Variants in GLIS3 observed in about 807,000 individuals in gnomAD.
The protein encoded by GLIS3 is zinc finger protein GLIS3.
GLIS3 carries 53 observed loss-of-function variants against 78.6 expected under a neutral mutation model. The observed-to-expected ratio is 0.67, with a 90% CI of 0.54 to 0.85. GLIS3 has a LOEUF of 0.85. Among genes scored for constraint, GLIS3 ranks in the 40% least tolerant of loss-of-function variants. The pLI is 0.00. For synonymous variants in GLIS3, 684 were observed against 509.9 expected, an observed-to-expected ratio of 1.34 and a Z score of -4.60; for missense variants, 1,703 against 1,231.1, an observed-to-expected ratio of 1.38 and a Z score of -5.74.
chr9:4,268,832 A>G (rs1826244746), intron 2 of GLIS3, among the ~76,000 whole-genome samples: 1 of 152,108 alleles, frequency 6.6e-6, no homozygotes, highest in Non-Finnish European at 1.5e-5. Context: ...TCCCAGCTCC[A>G]AGCCTCTAGG....
chr9:3,936,256 C>T (rs662167), intron 5 of GLIS3, among the ~76,000 whole-genome samples: 131 of 151,890 alleles, frequency 8.6e-4, no homozygotes, highest in Non-Finnish European at 1.4e-3. Context: ...CCTAGTGTAA[C>T]GAAAATGGCA....
intron 8 of GLIS3, among the ~76,000 whole-genome samples, chr9:3,860,558 G>A (rs191699784): frequency 1.3e-5 from 2 of 152,206 alleles, no homozygotes; most frequent in Admixed American, 1.3e-4. Flanking sequence ...TAGACCCTGA[G>A]ACACTGAGAA....
intron 4 of GLIS3, among the ~76,000 whole-genome samples, chr9:3,954,261 C>G (rs1442432657): frequency 6.6e-6 from 1 of 152,198 alleles, no homozygotes; most frequent in African/African-American, 2.4e-5. Context: ...TCACTTAACA[C>G]AACTGTAGAG....
chr9:4,007,881 G>T (rs1467549802), intron 4 of GLIS3, among the ~76,000 whole-genome samples: 1 of 148,518 alleles, frequency 6.7e-6, no homozygotes, highest in Non-Finnish European at 1.5e-5. Context: ...CAGGTCGGGC[G>T]GGGGTGGGTG....
At chr9:3,872,824 G>C (rs887286705) in intron 8 of GLIS3, among the ~76,000 whole-genome samples, 19 of 152,082 alleles carry the variant, frequency 1.2e-4, no homozygotes, top group African/African-American at 4.6e-4. Flanking sequence ...TATCAAAAAA[G>C]TAGAAAGATT....
intron 9 of GLIS3, 99 bp from the exon 10 acceptor site, chr9:3,829,591 G>A (rs1817930119): frequency 4.0e-6 from 5 of 1,241,788 alleles, no homozygotes; most frequent in Admixed American, 1.8e-5. Flanking sequence ...GGCTTCCTAA[G>A]ACAAATGCCT....
At chr9:4,199,236 C>A (rs1233719989) in intron 2 of GLIS3, among the ~76,000 whole-genome samples, 1 of 152,048 alleles carries the variant, frequency 6.6e-6, no homozygotes, top group East Asian at 1.9e-4. Context: ...ATGAAATGGC[C>A]TAAAACCCCC....
At chr9:4,129,135 C>G (rs1039626729) in intron 2 of GLIS3, among the ~76,000 whole-genome samples, 4 of 152,356 alleles carry the variant, frequency 2.6e-5, no homozygotes, top group East Asian at 1.9e-4. Flanking sequence ...ATACAGCCAT[C>G]TAAGTGTTTT....
chr9:4,069,662 T>C (rs1170640353), intron 4 of GLIS3, among the ~76,000 whole-genome samples: 4 of 152,112 alleles, frequency 2.6e-5, no homozygotes, highest in Non-Finnish European at 4.4e-5. Context: ...TGCCTTGAAA[T>C]GAAAGTAAAT....
the GLIS3 span, among the ~76,000 whole-genome samples, chr9:4,373,351 C>T: frequency 6.6e-6 from 1 of 152,136 alleles, no homozygotes; most frequent in African/African-American, 2.4e-5. Flanking sequence ...ATTGGGAAAT[C>T]TCAAGATTCA....
intron 4 of GLIS3, among the ~76,000 whole-genome samples, chr9:4,054,104 C>T (rs1163594250): frequency 3.0e-4 from 46 of 152,148 alleles, no homozygotes; most frequent in Admixed American, 2.9e-3. Context: ...CTAACTCCTT[C>T]GAAGATGAAG....
intron 4 of GLIS3, among the ~76,000 whole-genome samples, chr9:4,009,217 C>A (rs1327940519): frequency 1.3e-5 from 2 of 152,200 alleles, no homozygotes; most frequent in African/African-American, 4.8e-5. Context: ...ATTGCTCACA[C>A]GGAGCATGAG....
At chr9:4,247,738 C>T (rs1823931496) in intron 2 of GLIS3, among the ~76,000 whole-genome samples, 1 of 151,778 alleles carries the variant, frequency 6.6e-6, no homozygotes, top group African/African-American at 2.4e-5. Context: ...TGAGAAAATC[C>T]CAAGATTATA....
chr9:4,234,468 T>C (rs142831310), intron 2 of GLIS3, among the ~76,000 whole-genome samples: 132 of 152,326 alleles, frequency 8.7e-4, no homozygotes, highest in Admixed American at 3.9e-3. Flanking sequence ...CAACACTTAT[T>C]GGTTAAGTTT....
intron 4 of GLIS3, among the ~76,000 whole-genome samples, chr9:4,009,890 A>C (rs1821859825): frequency 6.6e-6 from 1 of 152,194 alleles, no homozygotes; most frequent in South Asian, 2.1e-4. Flanking sequence ...CATAGGACAC[A>C]AAGGAGGCTC....
At chr9:4,372,251 T>C in the GLIS3 span, among the ~76,000 whole-genome samples, 1 of 152,164 alleles carries the variant, frequency 6.6e-6, no homozygotes, top group Non-Finnish European at 1.5e-5. Flanking sequence ...ATGGGCTTGG[T>C]TTAATGCTTT....
At position 4,051,364 on chromosome 9, in the gene GLIS3, C is replaced by T. The variant is rs1314792998; in HGVS notation, c.1710+66404G>A. On this transcript the variant is annotated intron_variant, in intron 4 of 10. Transcript: ENST00000381971. ...AAGTGGTTAGGTAGACAGAAGCTAT[C>T]GGGAACATTCTGGACTGCTGGAGAT... Among the ~76,000 whole-genome samples, 3 of 152,264 alleles carry T rather than the reference C, an allele frequency of 2.0e-5. No homozygotes were observed. The East Asian group carries it at 5.8e-4, about 29-fold the overall frequency.
rs1403872503 is a variant in GLIS3 at position 3,932,392 on chromosome 9, G to A, written c.1951C>T (p.His651Tyr). ...CTTGCTTGTTGCTCTTTGGAAGAATGTGCCTTCACATGCTTTCTTAGGGAA... is the reference window on the plus strand; with the variant it reads ...CTTGCTTGTTGCTCTTTGGAAGAATATGCCTTCACATGCTTTCTTAGGGAA... ...PSSLRKHVKA[H>Y]SSKEQQARKK... is the part of the protein sequence containing the mutation. Residue 651 changes from histidine (H) to tyrosine (Y), a missense_variant, in exon 6 of 11, where the codon CAT becomes TAT. Transcript: ENST00000381971. The A allele has an allele frequency of 2.5e-6, 4 of 1,613,542 alleles. No individual in the cohort carries two copies. Among genetic ancestry groups the A allele is most frequent in the Non-Finnish European group, 2.5e-6 (3 of 1,179,714 alleles).
chr9:4,129,638 A>G lies in GLIS3; in HGVS notation c.389-3697T>C, dbSNP rs576818171. On this transcript the variant is annotated intron_variant, in intron 2 of 10. Coordinates refer to ENST00000381971, the MANE Select transcript of GLIS3 (RefSeq NM_001042413.2). The stretch of plus-strand genomic sequence containing the variant: ...ATTGAAAGTTTCCTGAGGCCTCCCC[A>G]GAAGCTTCTATGCTTCCTGTTAAGT... 2.6e-5 allele frequency among the ~76,000 whole-genome samples: 4 copies of G among 152,308 alleles called. No homozygotes were observed. In the East Asian group the frequency reaches 7.7e-4, roughly 29 times the overall value.
Sources: gnomAD v4.1 joint callset for allele counts (sites outside exome capture counted in the v4.1 genomes callset) on GRCh38, gnomAD v4.1.1 for gene constraint, MANE v1.5 for transcripts, NCBI Gene and HGNC (gene_info 2026-07-23, HGNC 2026-07-21) for gene names.